Variants in DLG2 observed in about 807,000 individuals in gnomAD.
DLG2 encodes discs large MAGUK scaffold protein 2, also known as disks large homolog 2.
A neutral mutation model predicts 132.5 loss-of-function variants in DLG2; 45 were observed. The observed-to-expected ratio is 0.34, with a 90% CI of 0.27 to 0.44. DLG2 has a LOEUF of 0.44. DLG2 is among the 20% of genes least tolerant of loss of function. The probability of loss-of-function intolerance (pLI) is 1.00; values close to 1 mark genes in which losing one functional copy is unlikely to be tolerated. For synonymous variants in DLG2, 424 were observed against 419.6 expected, an observed-to-expected ratio of 1.01 and a Z score of -0.13; for missense variants, 1,045 against 1,196.9, an observed-to-expected ratio of 0.87 and a Z score of 1.87.
chr11:83,525,527 G>A (rs2095585823), intron 21 of DLG2, among the ~76,000 whole-genome samples: 1 of 152,160 alleles, frequency 6.6e-6, no homozygotes, highest in African/African-American at 2.4e-5. Context: ...GAGAGGAAAG[G>A]TGAGCCAGGA....
chr11:83,500,447 T>G (rs553138042), intron 21 of DLG2, among the ~76,000 whole-genome samples: 1 of 152,230 alleles, frequency 6.6e-6, no homozygotes, highest in East Asian at 1.9e-4. Context: ...GAGAATCAAA[T>G]CCCAAAGATG....
intron 7 of DLG2, among the ~76,000 whole-genome samples, chr11:84,385,092 A>C (rs1014334133): frequency 6.6e-6 from 1 of 152,102 alleles, no homozygotes; most frequent in Non-Finnish European, 1.5e-5. Flanking sequence ...CAAAATTATC[A>C]CAGCTCAACC....
intron 7 of DLG2, among the ~76,000 whole-genome samples, chr11:84,367,391 C>T (rs1233591948): frequency 6.6e-6 from 1 of 152,052 alleles, no homozygotes; most frequent in Non-Finnish European, 1.5e-5. Flanking sequence ...ACTTTATTTA[C>T]AAAAACCAGC....
intron 9 of DLG2, among the ~76,000 whole-genome samples, chr11:84,143,790 T>C (rs553802639): frequency 6.6e-6 from 1 of 152,298 alleles, no homozygotes; most frequent in East Asian, 1.9e-4. Context: ...CAGGTATTCA[T>C]TGTAGGAGGA....
chr11:84,565,739 T>A (rs1184306142), intron 6 of DLG2, among the ~76,000 whole-genome samples: 5 of 152,064 alleles, frequency 3.3e-5, no homozygotes, highest in Admixed American at 1.3e-4. Context: ...ATGTAACACA[T>A]TGCTATGGAT....
At chr11:83,623,645 C>A (rs914304853) in intron 19 of DLG2, among the ~76,000 whole-genome samples, 1 of 152,190 alleles carries the variant, frequency 6.6e-6, no homozygotes, top group African/African-American at 2.4e-5. Flanking sequence ...CTTAATACCA[C>A]TTTCTATTTA....
At chr11:84,796,225 T>A (rs2074585385) in intron 6 of DLG2, among the ~76,000 whole-genome samples, 13 of 152,188 alleles carry the variant, frequency 8.5e-5, no homozygotes, top group Admixed American at 8.5e-4. Context: ...CATAAATATA[T>A]ACACTACTAT....
chr11:84,069,459 C>T lies in DLG2; in HGVS notation c.750-9975G>A, dbSNP rs189339432. On this transcript the variant is annotated intron_variant, in intron 10 of 27. Transcript: ENST00000376104. ...AGGCTGTGGACATGCAAACCATTTT[C>T]CAGCACTCATTTTCTACCTGAAACT... Among the ~76,000 whole-genome samples, 4 of 152,250 alleles carry T rather than the reference C, an allele frequency of 2.6e-5. No homozygotes were observed. The East Asian group carries it at 7.7e-4, about 29-fold the overall frequency.
At chr11:83,690,405 A>G (rs1216258951) in intron 18 of DLG2, among the ~76,000 whole-genome samples, 1 of 151,804 alleles carries the variant, frequency 6.6e-6, no homozygotes, top group Non-Finnish European at 1.5e-5. Flanking sequence ...TTTTATTTTT[A>G]ATATATATTT....
chr11:85,470,699 G>C (rs565095377), intron 3 of DLG2, among the ~76,000 whole-genome samples: 24 of 152,260 alleles, frequency 1.6e-4, no homozygotes, highest in African/African-American at 4.3e-4. Context: ...CAGCACTCCA[G>C]CCTGGGTGAC....
At position 84,271,045 on chromosome 11, in the gene DLG2, T is replaced by C. The variant is rs557033425; in HGVS notation, c.520-19754A>G. Among the ~76,000 whole-genome samples, 12 of 152,266 alleles carry C rather than the reference T, an allele frequency of 7.9e-5. No homozygotes were observed. The East Asian group carries it at 2.3e-3, about 29-fold the overall frequency. ...ACATATCATTGGGTTAAAAAGTGCATAAAGCAGGGAATACATAGAGTACCT... is the reference window on the plus strand; with the variant it reads ...ACATATCATTGGGTTAAAAAGTGCACAAAGCAGGGAATACATAGAGTACCT... On this transcript the variant is annotated intron_variant, in intron 7 of 27. Transcript: ENST00000376104.
At chr11:84,294,606 T>G (rs1216297764) in intron 7 of DLG2, among the ~76,000 whole-genome samples, 1 of 152,030 alleles carries the variant, frequency 6.6e-6, no homozygotes, top group African/African-American at 2.4e-5. Flanking sequence ...TCAAAAAAAA[T>G]AAATAAATGA....
intron 6 of DLG2, among the ~76,000 whole-genome samples, chr11:85,107,102 G>A (rs1289481057): frequency 6.6e-6 from 1 of 151,918 alleles, no homozygotes; most frequent in Non-Finnish European, 1.5e-5. Context: ...AAATGTTTAT[G>A]CTATTTGAGA....
intron 6 of DLG2, among the ~76,000 whole-genome samples, chr11:84,626,370 C>T (rs1469345055): frequency 6.6e-6 from 1 of 152,128 alleles, no homozygotes; most frequent in Non-Finnish European, 1.5e-5. Context: ...GGAGGGAAGC[C>T]ATGGGTAGCT....
chr11:84,333,186 A>G (rs544393723), intron 7 of DLG2, among the ~76,000 whole-genome samples: 1 of 152,342 alleles, frequency 6.6e-6, no homozygotes, highest in African/African-American at 2.4e-5. Flanking sequence ...CCTTGGTCCA[A>G]TGAAAGGTCT....
intron 6 of DLG2, chr11:84,720,248 C>A (rs2061657228): frequency 5.1e-6 from 5 of 983,560 alleles, no homozygotes; most frequent in African/African-American, 1.7e-5. Flanking sequence ...ATTGTTCTCT[C>A]CCCCGAGGGA....
intron 3 of DLG2, among the ~76,000 whole-genome samples, chr11:85,331,421 C>T (rs1233081373): frequency 1.3e-5 from 2 of 152,078 alleles, no homozygotes; most frequent in African/African-American, 4.8e-5. Context: ...TTCTTTATTA[C>T]ATTTTGTTGT....
chr11:85,203,931 A>C lies in DLG2; in HGVS notation c.187-49280T>G, dbSNP rs772881082. ...ATCACATTAACAGAATCAAGGACAAAAACAATACTATCATTTCAATTGATG... is the reference window on the plus strand; with the variant it reads ...ATCACATTAACAGAATCAAGGACAACAACAATACTATCATTTCAATTGATG... On this transcript the variant is annotated intron_variant, in intron 4 of 27. Coordinates refer to ENST00000376104, the MANE Select transcript of DLG2 (RefSeq NM_001142699.3). Among the ~76,000 whole-genome samples the C allele has an allele frequency of 5.9e-5, 9 of 152,286 alleles. No individual in the cohort carries two copies. In the South Asian group the frequency reaches 1.0e-3, roughly 18 times the overall value.
intron 3 of DLG2, among the ~76,000 whole-genome samples, chr11:85,539,434 G>A (rs762583553): frequency 1.3e-5 from 2 of 152,154 alleles, no homozygotes; most frequent in African/African-American, 4.8e-5. Context: ...AATGCTAGAA[G>A]AATTGAGGAA....
Sources: gnomAD v4.1 joint callset for allele counts (sites outside exome capture counted in the v4.1 genomes callset) on GRCh38, gnomAD v4.1.1 for gene constraint, MANE v1.5 for transcripts, NCBI Gene and HGNC (gene_info 2026-07-23, HGNC 2026-07-21) for gene names.